Variants in NDEL1 observed in about 807,000 individuals in gnomAD.
NDEL1 encodes the protein nudE neurodevelopment protein 1 like 1, also known as nuclear distribution protein nudE-like 1.
A neutral mutation model predicts 45.7 loss-of-function variants in NDEL1; 9 were observed. The observed-to-expected ratio is 0.20, with a 90% confidence interval of 0.12 to 0.34. NDEL1 has a LOEUF of 0.34. Among genes scored for constraint, NDEL1 ranks in the 10% least tolerant of loss-of-function variants. The probability of loss-of-function intolerance (pLI) is 1.00; values close to 1 mark genes in which losing one functional copy is unlikely to be tolerated. For missense variants in NDEL1, 306 were observed against 406.2 expected (o/e 0.75, Z 2.12); for synonymous variants, 133 against 158.6 (o/e 0.84, Z 1.21).
Position 8,467,169 on chromosome 17 carries a change from T to G in NDEL1, c.*146T>G. 1 of 731,738 alleles carries G rather than the reference T, an allele frequency of 1.4e-6. No individual in the cohort carries two copies. Among genetic ancestry groups the G allele is most frequent in the Non-Finnish European group, 2.3e-6 (1 of 435,248 alleles). 45.3% of individuals were successfully genotyped at this position (731,738 alleles called of 1,614,324 possible). ...AGGGCAGGCTGCATGCAGTGGCGGC[T>G]ACTGGGCCCTGCCCAGCCCCGGAAC... On this transcript the variant is annotated 3_prime_UTR_variant, in exon 9 of 9. Coordinates refer to ENST00000334527, the MANE Select transcript of NDEL1 (RefSeq NM_030808.5). This position sits in a 1 kb window ranked among gnomAD's most constrained non-coding sequence, Gnocchi z 6.3.
Position 8,446,828 on chromosome 17 carries a change from G to C in NDEL1, c.315G>C (p.Arg105=), listed in dbSNP as rs770762412. The change falls in exon 4 of 9, where the codon CGG becomes CGC. Residue 105 remains arginine, a synonymous_variant. Coordinates refer to ENST00000334527, the MANE Select transcript of NDEL1 (RefSeq NM_030808.5). ...SVLEDDLSQT[R]AIKEQLHKYV... Reference sequence around the variant, plus strand: ...TAGAAGATGATTTAAGTCAGACTCGGGCCATTAAGGAGCAGTTGCATAAGT... The same window carrying C: ...TAGAAGATGATTTAAGTCAGACTCGCGCCATTAAGGAGCAGTTGCATAAGT... 6.2e-7 allele frequency: 1 copy of C among 1,614,146 alleles called. No individual in the cohort carries two copies. The highest frequency in any genetic ancestry group is 1.7e-5 in the Admixed American group (1 of 60,008).
At chr17:8,424,376 T>C (rs1908775144) in intron 1 of NDEL1, among the ~76,000 whole-genome samples, 2 of 152,272 alleles carry the variant, frequency 1.3e-5, no homozygotes, top group Admixed American at 6.5e-5. Context: ...TGCTAAACAA[T>C]GCTTTGATGA....
chr17:8,429,905 G>A (rs1345837706), intron 1 of NDEL1, among the ~76,000 whole-genome samples: 1 of 152,146 alleles, frequency 6.6e-6, no homozygotes, highest in African/African-American at 2.4e-5. Context: ...GAAGTTTGGG[G>A]AGAGAGGGAC....
rs187401664 is a variant in NDEL1, at chr17:8,430,027, C to T, written c.-12-14233C>T. On this transcript the variant is annotated intron_variant, in intron 1 of 4. Transcript: ENST00000582812. ...GTCTTTGGGCTTTGGTGACCACATG[C>T]GTGAGATGCAAGCTGGGGAGGGAAA... Among the ~76,000 whole-genome samples the T allele has an allele frequency of 1.5e-3, 223 of 152,094 alleles. 1 individual carries two copies. Among genetic ancestry groups the T allele is most frequent in the South Asian group, 5.4e-3 (26 of 4,824 alleles).
intron 8 of NDEL1, chr17:8,463,148 CT>C: frequency 1.9e-6 from 1 of 524,314 alleles, no homozygotes; most frequent in Non-Finnish European, 3.4e-6. Flanking sequence ...CTCAAAAACA[CT>C]CTTTTTTTTC....
upstream of NDEL1, among the ~76,000 whole-genome samples, chr17:8,430,924 C>T (rs766065227): frequency 6.6e-6 from 1 of 152,244 alleles, no homozygotes; most frequent in African/African-American, 2.4e-5. Context: ...AAAGCTCAAC[C>T]ACAAGGGGGA....
intron 8 of NDEL1, chr17:8,464,786 G>A (rs575366235): frequency 5.3e-4 from 81 of 152,584 alleles, no homozygotes; most frequent in Non-Finnish European, 1.1e-3. Flanking sequence ...CTGTGGCCCC[G>A]ACTTCCCCAT....
upstream of NDEL1, among the ~76,000 whole-genome samples, chr17:8,433,712 C>A (rs1417576273): frequency 6.6e-6 from 1 of 152,136 alleles, no homozygotes; most frequent in Non-Finnish European, 1.5e-5. Context: ...ACAGGTGTCT[C>A]ACTGTGCTGC....
At chr17:8,458,705 GA>G (rs982781012) in intron 7 of NDEL1, among the ~76,000 whole-genome samples, 1 of 151,996 alleles carries the variant, frequency 6.6e-6, no homozygotes, top group Non-Finnish European at 1.5e-5. Context: ...AGAAGGAGAA[GA>G]AAAAAGTTTG....
At chr17:8,460,365 G>A (rs1451998053) in intron 8 of NDEL1, among the ~76,000 whole-genome samples, 5 of 152,130 alleles carry the variant, frequency 3.3e-5, no homozygotes. Flanking sequence ...TGAATCTGAG[G>A]CTTCTGTCCT....
intron 5 of NDEL1, 152 bp from the exon 6 acceptor site, chr17:8,450,628 C>T: frequency 1.5e-6 from 1 of 682,750 alleles, no homozygotes; most frequent in African/African-American, 1.9e-5. Context: ...TTTTTATTCC[C>T]CTAGAAATGA....
intron 8 of NDEL1, among the ~76,000 whole-genome samples, chr17:8,463,617 G>A (rs1210319692): frequency 2.0e-5 from 3 of 152,216 alleles, no homozygotes; most frequent in Admixed American, 2.0e-4. Context: ...CCTGAGATGG[G>A]CTAGGGCGCT....
upstream of NDEL1, among the ~76,000 whole-genome samples, chr17:8,435,066 G>A (rs977770741): frequency 3.4e-5 from 5 of 147,248 alleles, no homozygotes; most frequent in East Asian, 3.9e-4. Context: ...GCGAAACTCC[G>A]TCTCAAAAAC....
chr17:8,471,434 G>A (rs1265455982), downstream of NDEL1, among the ~76,000 whole-genome samples: 3 of 152,368 alleles, frequency 2.0e-5, no homozygotes, highest in East Asian at 3.9e-4. Flanking sequence ...TACAGGAGAT[G>A]TGGCCCACGT....
intron 1 of NDEL1, among the ~76,000 whole-genome samples, chr17:8,428,971 C>T (rs1470477951): frequency 6.6e-6 from 1 of 152,188 alleles, no homozygotes; most frequent in Non-Finnish European, 1.5e-5. Flanking sequence ...CCGCGCCCGG[C>T]CTATTTTTAA....
In NDEL1 at chr17:8,467,102, C is replaced by A; in HGVS notation, c.*79C>A. The A allele has an allele frequency of 7.0e-7, 1 of 1,429,656 alleles. No homozygotes were observed. The highest frequency in any genetic ancestry group is 9.8e-7 in the Non-Finnish European group (1 of 1,024,388). The allele number at this position is 1,429,656 out of a possible 1,614,324, so 88.6% of individuals were successfully genotyped here. A position where few individuals can be genotyped will look rare whatever the true frequency, so the allele number is the denominator to read the frequency against. On this transcript the variant is annotated 3_prime_UTR_variant, in exon 9 of 9. Coordinates refer to ENST00000334527, the MANE Select transcript of NDEL1 (RefSeq NM_030808.5). The surrounding 1 kb of genome is among the most constrained non-coding windows in gnomAD (Gnocchi z 6.3). ...CACGCCTCACCCCTCGGTGCCTGGG[C>A]CCAGCCCCGTGCCCCTCCGTCTGCC...
chr17:8,414,654 G>A (rs915300313), intron 1 of NDEL1, among the ~76,000 whole-genome samples: 11 of 151,880 alleles, frequency 7.2e-5, no homozygotes, highest in Admixed American at 2.0e-4. Flanking sequence ...ACGACAGAGC[G>A]AGACTCCATC....
intron 3 of NDEL1, 86 bp from the exon 4 acceptor site, chr17:8,446,668 C>CA: frequency 6.9e-7 from 1 of 1,446,840 alleles, no homozygotes; most frequent in Non-Finnish European, 9.4e-7. Flanking sequence ...CCTTGGGTTC[C>CA]CCCCCACCCT....
chr17:8,458,678 T>C (rs1402524019), intron 7 of NDEL1, among the ~76,000 whole-genome samples: 1 of 152,208 alleles, frequency 6.6e-6, no homozygotes, highest in Non-Finnish European at 1.5e-5. Context: ...TAGGTCATTG[T>C]ACTTTTGTCA....
Sources: gnomAD v4.1 joint callset for allele counts (sites outside exome capture counted in the v4.1 genomes callset) on GRCh38, gnomAD v4.1.1 for gene constraint, Gnocchi (gnomAD v3.1) non-coding constraint, MANE v1.5 for transcripts, NCBI Gene and HGNC (gene_info 2026-07-23, HGNC 2026-07-21) for gene names.